ZMYM1: variants seen among roughly 807,000 people sequenced by gnomAD.
ZMYM1 encodes zinc finger MYM-type containing 1.
Under a neutral mutation model 60.0 loss-of-function variants are expected in ZMYM1, and 39 were observed. The ratio of observed to expected loss-of-function variants is 0.65; its 90% confidence interval spans 0.50 to 0.85. The LOEUF (loss-of-function observed/expected upper bound fraction) is 0.85, where lower values mean the gene tolerates loss of function less well. Among genes scored for constraint, ZMYM1 ranks in the 40% least tolerant of loss-of-function variants. The pLI, the probability that ZMYM1 is intolerant of heterozygous loss-of-function variation, is 0.00. For synonymous variants in ZMYM1, 413 were observed against 454.0 expected (o/e 0.91, Z 1.15); for missense variants, 1,171 against 1,309.5 (o/e 0.89, Z 1.63).
chr1:35,070,399 A>G (rs947810523), intron 1 of ZMYM1, among the ~76,000 whole-genome samples: 1 of 152,176 alleles, frequency 6.6e-6, no homozygotes, highest in Non-Finnish European at 1.5e-5. Flanking sequence ...CTATTAATAT[A>G]TAGAAACACT....
Position 35,115,413 on chromosome 1 carries a change from T to G in ZMYM1, c.*154T>G. ...TTTTCTCTTCCCAAAAAGTGTTATC[T>G]TTTCCTTAAATATCCCTCTAGAGGT... On this transcript the variant is annotated 3_prime_UTR_variant, in exon 10 of 10. Transcript: ENST00000359858. 1 of 914,034 alleles carries G rather than the reference T, an allele frequency of 1.1e-6. No individual in the cohort carries two copies. Among genetic ancestry groups the G allele is most frequent in the Non-Finnish European group, 1.6e-6 (1 of 638,226 alleles). The allele number at this position is 914,034 out of a possible 1,614,324, so 56.6% of individuals were successfully genotyped here.
In ZMYM1 at chr1:35,099,765, A is replaced by G. The variant is rs181152173; in HGVS notation, c.419+2199A>G. Among the ~76,000 whole-genome samples the G allele has an allele frequency of 1.8e-4, 28 of 152,298 alleles. No homozygotes were observed. The South Asian group carries it at 3.5e-3, about 19-fold the overall frequency. On this transcript the variant is annotated intron_variant, in intron 4 of 9. Transcript: ENST00000359858. ...TTATTTTTGCAGAGACAGAGTCACTATGTTTCCCAGGCTGATCTTAAACTC... is the reference window on the plus strand; with the variant it reads ...TTATTTTTGCAGAGACAGAGTCACTGTGTTTCCCAGGCTGATCTTAAACTC...
At chr1:35,061,293 C>T (rs929984563) in intron 1 of ZMYM1, among the ~76,000 whole-genome samples, 8 of 152,138 alleles carry the variant, frequency 5.3e-5, no homozygotes, top group African/African-American at 4.8e-5. Context: ...TCAGCATGTT[C>T]ATAAAGAAGG....
chr1:35,105,443 A>AT (rs994051101), intron 6 of ZMYM1, among the ~76,000 whole-genome samples: 5 of 136,490 alleles, frequency 3.7e-5, no homozygotes, highest in South Asian at 2.3e-4. Flanking sequence ...GACCTTATTT[A>AT]TTTTTTTTGA....
At chr1:35,098,321 T>C (rs1643450856) in intron 4 of ZMYM1, among the ~76,000 whole-genome samples, 1 of 152,198 alleles carries the variant, frequency 6.6e-6, no homozygotes, top group African/African-American at 2.4e-5. Context: ...TAAAAATTTA[T>C]GTGAGAATGT....
Position 35,104,416 on chromosome 1 carries a change from A to G in ZMYM1, c.541A>G (p.Ile181Val), listed in dbSNP as rs765840325. The change falls in exon 5 of 10, where the codon ATA becomes GTA. Residue 181 changes from isoleucine (I) to valine (V), a missense_variant. Transcript: ENST00000359858. ...AGAAAAAAGAAAACCATTTGTTACC[A>G]TATGTACTAATAGCATTTTGACCAA... ...YEEKRKPFVT[I>V]CTNSILTKCS... 8.7e-6 allele frequency: 14 copies of G among 1,612,602 alleles called. No individual in the cohort carries two copies. Among genetic ancestry groups the G allele is most frequent in the Non-Finnish European group, 6.8e-6 (8 of 1,179,518 alleles).
Position 35,097,253 on chromosome 1 carries a change from A to T in ZMYM1, c.170-64A>T. 51 of 1,510,092 alleles carry T rather than the reference A, an allele frequency of 3.4e-5. No homozygotes were observed. In the South Asian group the frequency reaches 6.7e-4, roughly 20 times the overall value. The allele number at this position is 1,510,092 out of a possible 1,614,324, so 93.5% of individuals were successfully genotyped here. On this transcript the variant is annotated intron_variant, in intron 3 of 9. Transcript: ENST00000359858. ...TCTAAAAAAAGAAAGAAAGAAAATA[A>T]AGGAATGCCTACTTAATTTTGTGTA... is the stretch of plus-strand genomic sequence containing the variant.
At chr1:35,112,530 TATATA>T (rs1644124819) in intron 9 of ZMYM1, among the ~76,000 whole-genome samples, 1 of 141,188 alleles carries the variant, frequency 7.1e-6, no homozygotes, top group Non-Finnish European at 1.5e-5. Context: ...AAAATATAAA[TATATA>T]ATATAAATAT....
intron 4 of ZMYM1, among the ~76,000 whole-genome samples, chr1:35,098,210 G>T (rs957569598): frequency 6.6e-6 from 1 of 152,124 alleles, no homozygotes; most frequent in South Asian, 2.1e-4. Context: ...GATTTTCCAA[G>T]ATGTGGAATA....
In ZMYM1 at chr1:35,113,378, T is replaced by A; in HGVS notation, c.1548T>A (p.Ser516Arg). The change falls in exon 10 of 10, where the codon AGT becomes AGA. Residue 516 changes from serine (S) to arginine (R), a missense_variant. Transcript: ENST00000359858. ...AAAAATTCAGAAAGCATGAAAAAAG[T>A]GAAATGCATTTGAAGTCATTGGAAT... Reference protein sequence around the residue: ...TLEKFRKHEKSEMHLKSLEFW... With the variant: ...TLEKFRKHEKREMHLKSLEFW... The A allele has an allele frequency of 6.8e-6, 11 of 1,613,680 alleles. No homozygotes were observed. The highest frequency in any genetic ancestry group is 9.3e-6 in the Non-Finnish European group (11 of 1,179,932).
chr1:35,117,537 G>C (rs997015413), downstream of ZMYM1, among the ~76,000 whole-genome samples: 5 of 151,450 alleles, frequency 3.3e-5, no homozygotes, highest in African/African-American at 7.3e-5. Context: ...GGCCAGGCTG[G>C]TCTCGAACTC....
chr1:35,104,562 G>T lies in ZMYM1; in HGVS notation c.600G>T (p.Gln200His). Residue 200 changes from glutamine (Q) to histidine (H), a missense_variant, in exon 6 of 10, where the codon CAG becomes CAT. Physicochemically the swap from Gln to His is conservative, Grantham distance 24. Transcript: ENST00000359858. The stretch of plus-strand genomic sequence containing the variant: ...ATCTTTTTATTAAATCCTAGATTCA[G>T]TATGAAGTAAAATACCAAAATGTGA... ...CSMCQKTAII[Q>H]YEVKYQNVKH... 2.5e-6 allele frequency: 4 copies of T among 1,614,042 alleles called. No homozygotes were observed. The highest frequency in any genetic ancestry group is 3.4e-6 in the Non-Finnish European group (4 of 1,179,964).
intron 6 of ZMYM1, among the ~76,000 whole-genome samples, chr1:35,105,126 C>CTTTTTTTTTTTTTTTTT (rs1029051953): frequency 4.1e-5 from 4 of 96,550 alleles, no homozygotes; most frequent in Admixed American, 1.2e-4. Context: ...TTATTTCTTT[C>CTTTTTTTTTTTTTTTTT]TTTTTTTTTT....
Position 35,092,568 on chromosome 1 carries a change from CCTTTTCTTTCTTT to C in ZMYM1, c.-74-1331_-74-1319del, listed in dbSNP as rs1048236412. On this transcript the variant is annotated intron_variant, in intron 1 of 9. Transcript: ENST00000359858. ...CAGGTCTTTTCTTTTCTTTTCTTTT[CCTTTTCTTTCTTT>C]CTTTTCTTTCTTTCCTACCTTCCTT... Among the ~76,000 whole-genome samples the C allele has an allele frequency of 1.6e-3, 240 of 150,658 alleles. 3 individuals are homozygous for C. Among genetic ancestry groups the C allele is most frequent in the African/African-American group, 5.1e-3 (209 of 41,056 alleles).
intron 1 of ZMYM1, among the ~76,000 whole-genome samples, chr1:35,066,699 T>C (rs990097295): frequency 6.6e-6 from 1 of 152,142 alleles, no homozygotes; most frequent in Non-Finnish European, 1.5e-5. Context: ...CCCAAATTGA[T>C]CCATAAATTT....
At position 35,069,985 on chromosome 1, in the gene ZMYM1, T is replaced by C. The variant is rs12567610; in HGVS notation, c.-300-9009T>C. Among the ~76,000 whole-genome samples, 481 of 152,338 alleles carry C rather than the reference T, an allele frequency of 3.2e-3. 12 individuals are homozygous for C. In the East Asian group the frequency reaches 0.081, roughly 26 times the overall value. On this transcript the variant is annotated intron_variant, in intron 1 of 10. Coordinates refer to the ZMYM1 transcript ENST00000417119. ...GCCAGTACCATGCTGTTTTGGTTACTATAGCTTGATAGTATATTTTGAAGT... is the reference window on the plus strand; with the variant it reads ...GCCAGTACCATGCTGTTTTGGTTACCATAGCTTGATAGTATATTTTGAAGT...
chr1:35,114,681 GATA>G lies in ZMYM1; in HGVS notation c.2855_2857del (p.Asn952del), dbSNP rs4045498. On this transcript the variant is annotated inframe_deletion, in exon 10 of 10. Coordinates refer to ENST00000359858, the MANE Select transcript of ZMYM1 (RefSeq NM_024772.5). ...GAAATCAGTAGATCTTGGCAATTCA[GATA>G]ATATGTTTTTTCCTACTTCAACAGA... 11,056 of 1,588,872 alleles carry G rather than the reference GATA, an allele frequency of 7.0e-3. 579 individuals carry two copies. In the African/African-American group the frequency reaches 0.12, roughly 18 times the overall value.
At chr1:35,099,123 CTAT>C (rs761852930) in intron 4 of ZMYM1, among the ~76,000 whole-genome samples, 1 of 152,138 alleles carries the variant, frequency 6.6e-6, no homozygotes, top group African/African-American at 2.4e-5. Flanking sequence ...TAAATGTTAA[CTAT>C]TATTATTCTC....
Position 35,113,232 on chromosome 1 carries a change from G to A in ZMYM1, c.1402G>A (p.Glu468Lys). 6.2e-7 allele frequency: 1 copy of A among 1,613,270 alleles called. No individual in the cohort carries two copies. The highest frequency in any genetic ancestry group is 8.5e-7 in the Non-Finnish European group (1 of 1,179,328). Residue 468 changes from glutamate (E) to lysine (K), a missense_variant, in exon 10 of 10, where the codon GAA becomes AAA. Coordinates refer to ENST00000359858, the MANE Select transcript of ZMYM1 (RefSeq NM_024772.5). ...KSCCADFECL[E>K]NSKKDVAFCY... ...TTGTTGTGCAGATTTTGAGTGTTTG[G>A]AAAACAGTAAAAAAGATGTGGCATT...
Sources: gnomAD v4.1 joint callset for allele counts (sites outside exome capture counted in the v4.1 genomes callset) on GRCh38, gnomAD v4.1.1 for gene constraint, MANE v1.5 for transcripts, NCBI Gene and HGNC (gene_info 2026-07-23, HGNC 2026-07-21) for gene names.